The following GABPA variants were observed in gnomAD, a reference collection of about 807,000 sequenced individuals.
GABPA encodes the protein GA binding protein transcription factor subunit alpha.
GABPA carries 4 observed loss-of-function variants against 59.4 expected under a neutral mutation model. The ratio of observed to expected loss-of-function variants is 0.07; its 90% CI spans 0.03 to 0.15. GABPA has a LOEUF of 0.15. Ranked by LOEUF, GABPA falls within the 10% of genes least tolerant of loss-of-function variation. The pLI is 1.00. For missense variants in GABPA, 251 were observed against 543.8 expected (o/e 0.46, Z 5.36); for synonymous variants, 164 against 183.1 (o/e 0.90, Z 0.84).
In GABPA at chr21:25,741,660, A is replaced by G; in HGVS notation, c.62A>G (p.Glu21Gly). 1.2e-6 allele frequency: 2 copies of G among 1,609,752 alleles called. No individual in the cohort carries two copies. Among genetic ancestry groups the G allele is most frequent in the Non-Finnish European group, 1.7e-6 (2 of 1,177,284 alleles). ...GAGATTGATGGAACAGAGAAAGCAG[A>G]GTGCACAGAAGAAAGGTTGGTGTTT... ...EIEIDGTEKA[E>G]CTEESIVEQT... Residue 21 changes from glutamate to glycine, a missense_variant, in exon 2 of 10, where the codon GAG (glutamate) becomes GGG (glycine). This residue lies in a region of GABPA where 207 missense variants were observed against 366.7 expected (regional missense o/e 0.56). Coordinates refer to ENST00000400075, the MANE Select transcript of GABPA (RefSeq NM_002040.4).
intron 5 of GABPA, among the ~76,000 whole-genome samples, chr21:25,755,215 G>GAGGC: frequency 6.6e-6 from 1 of 152,174 alleles, no homozygotes; most frequent in East Asian, 1.9e-4. Context: ...TTGGGAGGCT[G>GAGGC]AGGTGAGAGG....
chr21:25,745,353 A>G lies in GABPA; in HGVS notation c.221A>G (p.Gln74Arg). Residue 74 changes from glutamine (Q) to arginine (R), a missense_variant and splice_region_variant, in exon 3 of 10, where the codon CAG (glutamine) becomes CGG (arginine). Around this residue, in one of 4 missense-constraint regions of GABPA, gnomAD observed 207 missense variants for 366.7 expected, o/e 0.56. Transcript: ENST00000400075. ...DAHEICLQDI[Q>R]LDPERSLFDQ... ...CATGAAATTTGTCTGCAAGATATCC[A>G]GGTAATTTTTATTTTTGTAAATTTC... 1 of 1,609,856 alleles carries G rather than the reference A, an allele frequency of 6.2e-7. No homozygotes were observed.
At chr21:25,744,586 AAG>A (rs1370927035) in intron 2 of GABPA, among the ~76,000 whole-genome samples, 1 of 152,188 alleles carries the variant, frequency 6.6e-6, no homozygotes, top group East Asian at 1.9e-4. Context: ...AAGGATTTGT[AAG>A]AGTTATGTAG....
intron 7 of GABPA, chr21:25,763,170 G>A: frequency 2.0e-6 from 1 of 512,042 alleles, no homozygotes; most frequent in East Asian, 5.0e-5. Context: ...TGGCATGTTT[G>A]GGTTTGGGTA....
At chr21:25,748,106 A>G (rs768861861) in intron 3 of GABPA, among the ~76,000 whole-genome samples, 4 of 152,116 alleles carry the variant, frequency 2.6e-5, no homozygotes, top group African/African-American at 7.2e-5. Flanking sequence ...GGGTTTCTCC[A>G]TGTTGCCCAG....
In GABPA at chr21:25,762,295, ATT is replaced by A. The variant is rs760435592; in HGVS notation, c.749-13_749-12del. 7.4e-6 allele frequency: 11 copies of A among 1,481,360 alleles called. No homozygotes were observed. The highest frequency in any genetic ancestry group is 1.0e-5 in the Non-Finnish European group (11 of 1,087,304). The allele number at this position is 1,481,360 out of a possible 1,614,324, so 91.8% of individuals were successfully genotyped here. On this transcript the variant is annotated splice_polypyrimidine_tract_variant and intron_variant, in intron 6 of 9. Coordinates refer to ENST00000400075, the MANE Select transcript of GABPA (RefSeq NM_002040.4). ...TTTTGGTTTTAAATAAAAACAAAAA[ATT>A]TTTGTTTTTTTCAGATGTATTGGCA...
At chr21:25,750,798 A>G (rs2123523958) in intron 4 of GABPA, among the ~76,000 whole-genome samples, 1 of 152,302 alleles carries the variant, frequency 6.6e-6, no homozygotes. Context: ...TCTTGATGCA[A>G]GTATGTTTAA....
At chr21:25,768,700 C>T (rs1427452403) in intron 9 of GABPA, among the ~76,000 whole-genome samples, 1 of 152,050 alleles carries the variant, frequency 6.6e-6, no homozygotes, top group Non-Finnish European at 1.5e-5. Flanking sequence ...TCTTCTACTG[C>T]TCTCAAGGTT....
intron 5 of GABPA, among the ~76,000 whole-genome samples, chr21:25,755,941 T>A (rs113769250): frequency 1.5e-4 from 23 of 152,220 alleles, no homozygotes; most frequent in African/African-American, 5.5e-4. Flanking sequence ...TAGGTCATAG[T>A]TTTCCCCTCC....
At chr21:25,755,353 T>G (rs1236758109) in intron 5 of GABPA, among the ~76,000 whole-genome samples, 1 of 151,098 alleles carries the variant, frequency 6.6e-6, no homozygotes, top group Non-Finnish European at 1.5e-5. Flanking sequence ...GGAAAATTGC[T>G]TGAGCTCTGG....
At chr21:25,746,305 G>A (rs930682799) in intron 3 of GABPA, among the ~76,000 whole-genome samples, 4 of 152,136 alleles carry the variant, frequency 2.6e-5, no homozygotes, top group African/African-American at 9.7e-5. Context: ...GTGAGCCAGC[G>A]TGCCTGGCTG....
At chr21:25,767,353 A>T (rs570999971) in intron 9 of GABPA, among the ~76,000 whole-genome samples, 1 of 152,038 alleles carries the variant, frequency 6.6e-6, no homozygotes, top group East Asian at 1.9e-4. Context: ...TAAAAAGTTT[A>T]AAAAAATACA....
intron 7 of GABPA, chr21:25,763,100 A>T (rs1413095446): frequency 2.2e-6 from 1 of 457,630 alleles, no homozygotes; most frequent in Non-Finnish European, 4.2e-6. Flanking sequence ...GTTTCTCTTA[A>T]TATCCATCTC....
intron 4 of GABPA, among the ~76,000 whole-genome samples, chr21:25,750,903 A>G (rs1168003543): frequency 6.6e-6 from 1 of 152,206 alleles, no homozygotes; most frequent in Non-Finnish European, 1.5e-5. Context: ...GATTGTTTTT[A>G]TCATGTATAT....
chr21:25,751,668 G>T (rs1291940361), intron 4 of GABPA, among the ~76,000 whole-genome samples: 1 of 151,588 alleles, frequency 6.6e-6, no homozygotes, highest in African/African-American at 2.4e-5. Context: ...GTTTCGTATT[G>T]GTAATTTTTA....
chr21:25,764,736 A>G lies in GABPA; in HGVS notation c.1085A>G (p.Gln362Arg). ...QPELVAQKWG[Q>R]RKNKPTMNYE... Reference sequence around the variant, plus strand: ...GAACTGGTTGCACAGAAATGGGGACAGCGTAAAAATAAGCCTACGATGAAC... The same window carrying G: ...GAACTGGTTGCACAGAAATGGGGACGGCGTAAAAATAAGCCTACGATGAAC... Residue 362 changes from glutamine to arginine, a missense_variant, in exon 9 of 10, where the codon CAG (glutamine) becomes CGG (arginine). Gln to Arg is a conservative substitution (Grantham distance 43). Around this residue, in one of 4 missense-constraint regions of GABPA, gnomAD observed 21 missense variants for 79.8 expected, o/e 0.26. Coordinates refer to ENST00000400075, the MANE Select transcript of GABPA (RefSeq NM_002040.4). The G allele has an allele frequency of 6.2e-7, 1 of 1,610,222 alleles. No homozygotes were observed. Among genetic ancestry groups the G allele is most frequent in the Non-Finnish European group, 8.5e-7 (1 of 1,178,644 alleles).
At chr21:25,752,699 C>A (rs1445043782) in intron 5 of GABPA, among the ~76,000 whole-genome samples, 1 of 152,014 alleles carries the variant, frequency 6.6e-6, no homozygotes, top group Non-Finnish European at 1.5e-5. Context: ...TGGGGGTATG[C>A]ATGAGTAGTG....
At chr21:25,768,781 TTAATG>T (rs1397956756) in intron 9 of GABPA, among the ~76,000 whole-genome samples, 1 of 152,164 alleles carries the variant, frequency 6.6e-6, no homozygotes, top group Non-Finnish European at 1.5e-5. Flanking sequence ...TTTTGAAAGT[TTAATG>T]TATAGAGTTT....
chr21:25,736,955 T>A (rs2035086073), intron 1 of GABPA, among the ~76,000 whole-genome samples: 1 of 152,218 alleles, frequency 6.6e-6, no homozygotes, highest in Admixed American at 6.5e-5. Flanking sequence ...ACCCCCACAC[T>A]CCACTTATAA....
Sources: allele counts gnomAD v4.1 joint callset (sites outside exome capture counted in the v4.1 genomes callset), GRCh38; gene constraint gnomAD v4.1.1; regional missense constraint gnomAD v4.1.1; transcripts MANE v1.5; gene names NCBI Gene and HGNC (gene_info 2026-07-23, HGNC 2026-07-21).